The following KIAA1671 variants were observed in gnomAD, a reference collection of about 807,000 sequenced individuals.
The protein encoded by KIAA1671 is KIAA1671, also known as uncharacterized protein KIAA1671.
In KIAA1671, 52 loss-of-function variants were observed where a neutral mutation model predicts 131.2. That is an observed-to-expected ratio of 0.40 (90% confidence interval 0.32 to 0.50). The LOEUF (loss-of-function observed/expected upper bound fraction) is 0.50. Among genes scored for constraint, KIAA1671 ranks in the 20% least tolerant of loss-of-function variants. KIAA1671 has a pLI of 0.73. For missense variants in KIAA1671, 2,360 were observed against 2,364.2 expected (o/e 1.00, Z 0.04); for synonymous variants, 1,003 against 961.6 (o/e 1.04, Z -0.80).
intron 6 of KIAA1671, among the ~76,000 whole-genome samples, chr22:25,139,882 T>A (rs1352760963): frequency 6.6e-6 from 1 of 152,062 alleles, no homozygotes; most frequent in Non-Finnish European, 1.5e-5. Context: ...AAGGACGGAG[T>A]GTGCTGTTCT....
At chr22:25,033,576 T>C (rs1207106251) in intron 4 of KIAA1671, among the ~76,000 whole-genome samples, 3 of 97,976 alleles carry the variant, frequency 3.1e-5, no homozygotes, top group Non-Finnish European at 6.2e-5. Context: ...TTGTTTTCGT[T>C]TTTTTTTTTT....
chr22:25,081,521 G>A (rs538514063), intron 6 of KIAA1671, among the ~76,000 whole-genome samples: 93 of 152,310 alleles, frequency 6.1e-4, no homozygotes, highest in African/African-American at 2.1e-3. Context: ...TGAACCCACA[G>A]TGTAGAAGTT....
chr22:24,955,602 A>G (rs909430367), intron 1 of KIAA1671, among the ~76,000 whole-genome samples: 2 of 152,080 alleles, frequency 1.3e-5, no homozygotes, highest in South Asian at 4.1e-4. Context: ...TCACAGTGGA[A>G]GGGTCTCTGC....
chr22:24,955,076 T>C (rs6004365), intron 1 of KIAA1671, among the ~76,000 whole-genome samples: 38,801 of 152,176 alleles, frequency 0.25, 7,212 homozygotes, highest in African/African-American at 0.52. Context: ...CCACTGCGCC[T>C]GGCCGGGGCT....
chr22:25,191,178 C>T (rs1297556048), intron 12 of KIAA1671, among the ~76,000 whole-genome samples: 5 of 137,814 alleles, frequency 3.6e-5, no homozygotes, highest in Non-Finnish European at 3.1e-5. Flanking sequence ...GACAGAGTTT[C>T]GCCCTTGTCA....
At chr22:25,033,054 T>C (rs1359146096) in intron 4 of KIAA1671, among the ~76,000 whole-genome samples, 2 of 152,158 alleles carry the variant, frequency 1.3e-5, no homozygotes, top group Admixed American at 6.5e-5. Context: ...GTGGTTCTTA[T>C]TGCCTTCCCC....
intron 6 of KIAA1671, among the ~76,000 whole-genome samples, chr22:25,084,457 C>CAA (rs36090380): frequency 0.059 from 7,531 of 128,394 alleles, 376 homozygotes; most frequent in East Asian, 0.12. Context: ...GACTCTATCT[C>CAA]AAAAAAAAAA....
intron 6 of KIAA1671, chr22:25,102,641 C>T (rs948134189): frequency 6.6e-6 from 1 of 152,224 alleles, no homozygotes; most frequent in Non-Finnish European, 1.5e-5. Context: ...TGGGGTTTCA[C>T]CATGTTGGTC....
chr22:25,150,345 C>T (rs959976287), intron 6 of KIAA1671, among the ~76,000 whole-genome samples: 1 of 152,152 alleles, frequency 6.6e-6, no homozygotes, highest in Non-Finnish European at 1.5e-5. Flanking sequence ...AGGGATGGAC[C>T]CCCATTTTAC....
intron 1 of KIAA1671, among the ~76,000 whole-genome samples, chr22:24,997,799 T>A (rs1459498860): frequency 6.6e-6 from 1 of 152,158 alleles, no homozygotes; most frequent in Non-Finnish European, 1.5e-5. Flanking sequence ...GTATACAAGA[T>A]GTAATCACGC....
At chr22:24,956,519 G>T (rs12169977) in intron 1 of KIAA1671, among the ~76,000 whole-genome samples, 2,926 of 152,258 alleles carry the variant, frequency 0.019, 101 homozygotes, top group African/African-American at 0.066. Context: ...GGTTTCAGTT[G>T]GGTGTGGAAG....
chr22:25,055,529 C>G (rs1219946616), intron 6 of KIAA1671: 1 of 149,668 alleles, frequency 6.7e-6, no homozygotes, highest in Non-Finnish European at 1.5e-5. Flanking sequence ...CCAGACCAGC[C>G]TGGGCTGAAC....
chr22:25,009,222 GT>G (rs1292434032), intron 1 of KIAA1671, among the ~76,000 whole-genome samples: 1 of 102,502 alleles, frequency 9.8e-6, no homozygotes, highest in Non-Finnish European at 2.1e-5. Context: ...GTTGTTTGGT[GT>G]TTATATTTCT....
chr22:24,988,537 T>G (rs1336479162), intron 1 of KIAA1671, among the ~76,000 whole-genome samples: 2 of 151,366 alleles, frequency 1.3e-5, no homozygotes, highest in Non-Finnish European at 2.9e-5. Flanking sequence ...GGTCAGGAGT[T>G]CAAGACCAGC....
chr22:24,987,056 A>G (rs1189606953), intron 1 of KIAA1671, among the ~76,000 whole-genome samples: 1 of 152,034 alleles, frequency 6.6e-6, no homozygotes, highest in African/African-American at 2.4e-5. Context: ...CTGTGGTTTG[A>G]CTGCAATCAC....
At chr22:24,986,913 G>C (rs1170040780) in intron 1 of KIAA1671, among the ~76,000 whole-genome samples, 3 of 151,856 alleles carry the variant, frequency 2.0e-5, no homozygotes, top group Non-Finnish European at 2.9e-5. Flanking sequence ...GCAGGGGTCG[G>C]CCAGCTTCTC....
rs1926152925 is a variant in KIAA1671, at chr22:25,029,481, G to A, written c.1482G>A (p.Lys494=). 1 of 1,550,900 alleles carries A rather than the reference G, an allele frequency of 6.4e-7. No individual in the cohort carries two copies. Among genetic ancestry groups the A allele is most frequent in the South Asian group, 1.2e-5 (1 of 84,042 alleles). ...GGACTGCCGAGAGCTCAGAGGCTAA[G>A]CCCGAGGTCAGGAGGAGGACGTTCC... is the stretch of plus-strand genomic sequence containing the variant. ...RGWTAESSEA[K]PEVRRRTFQA... Residue 494 remains lysine, a synonymous_variant, in exon 3 of 13, where the codon AAG becomes AAA. Transcript: ENST00000358431.
chr22:25,076,016 T>G (rs1346044654), intron 6 of KIAA1671, among the ~76,000 whole-genome samples: 2 of 149,802 alleles, frequency 1.3e-5, no homozygotes, highest in Admixed American at 6.6e-5. Context: ...CCTCAGGTGA[T>G]CCACCCGCCT....
Position 25,174,494 on chromosome 22 carries a change from G to A in KIAA1671, c.4899+5G>A. 6.6e-7 allele frequency: 1 copy of A among 1,506,862 alleles called. No individual in the cohort carries two copies. The highest frequency in any genetic ancestry group is 1.3e-5 in the South Asian group (1 of 78,230). 93.3% of individuals were successfully genotyped at this position (1,506,862 alleles called of 1,614,324 possible). A position where few individuals can be genotyped will look rare whatever the true frequency, so the allele number is the denominator to read the frequency against. On this transcript the variant is annotated splice_donor_5th_base_variant and intron_variant, in intron 8 of 12. Transcript: ENST00000358431. ...GATGACTTCTCCTTCATTGATGTAA[G>A]TCAGTGGCCAGGAGCATTTCTTCTT...
Sources: allele counts gnomAD v4.1 joint callset (sites outside exome capture counted in the v4.1 genomes callset), GRCh38; gene constraint gnomAD v4.1.1; transcripts MANE v1.5; gene names NCBI Gene and HGNC (gene_info 2026-07-23, HGNC 2026-07-21).